The following MIA3 variants were observed in gnomAD, a reference collection of about 807,000 sequenced individuals.
The protein encoded by MIA3 is MIA SH3 domain ER export factor 3, also known as transport and Golgi organization protein 1 homolog.
A neutral mutation model predicts 192.4 loss-of-function variants in MIA3; 90 were observed. That is an observed-to-expected ratio of 0.47 (90% CI 0.39 to 0.56). The LOEUF (loss-of-function observed/expected upper bound fraction) is 0.56. MIA3 is among the 20% of genes least tolerant of loss of function. The pLI, the probability that MIA3 is intolerant of heterozygous loss-of-function variation, is 0.00. For missense variants in MIA3, 2,123 were observed against 2,269.4 expected (o/e 0.94, Z 1.31); for synonymous variants, 740 against 792.8 (o/e 0.93, Z 1.12).
chr1:222,643,230 G>T (rs1362129219), intron 6 of MIA3, among the ~76,000 whole-genome samples: 1 of 152,164 alleles, frequency 6.6e-6, no homozygotes, highest in Non-Finnish European at 1.5e-5. Flanking sequence ...ATGAGAAAAA[G>T]ATCCAGTTTT....
Position 222,665,610 on chromosome 1 carries a change from G to T in MIA3, c.5715G>T (p.Gln1905His), listed in dbSNP as rs756475614. The change falls in exon 28 of 28, where the codon CAG becomes CAT. Residue 1905 changes from glutamine (Q) to histidine (H), a missense_variant. Physicochemically the swap from Gln to His is conservative, Grantham distance 24 (BLOSUM62 0). Around this residue, in one of 3 missense-constraint regions of MIA3, gnomAD observed 762 missense variants for 856.4 expected, o/e 0.89. Coordinates refer to ENST00000344922, the MANE Select transcript of MIA3 (RefSeq NM_198551.4). The part of the protein sequence containing the change: ...TSQDCSQALK[Q>H]SP Reference sequence around the variant, plus strand: ...AGGACTGTTCACAGGCTTTAAAACAGAGCCCATAAAACTATGACCTCTGAG... The same window carrying T: ...AGGACTGTTCACAGGCTTTAAAACATAGCCCATAAAACTATGACCTCTGAG... 10 of 1,586,420 alleles carry T rather than the reference G, an allele frequency of 6.3e-6. No homozygotes were observed. The highest frequency in any genetic ancestry group is 8.6e-6 in the Non-Finnish European group (10 of 1,168,824).
chr1:222,642,355 TA>T (rs148546540), intron 6 of MIA3, among the ~76,000 whole-genome samples: 21 of 152,134 alleles, frequency 1.4e-4, no homozygotes, highest in South Asian at 6.2e-4. Context: ...CTCTACCTTT[TA>T]AAAAAAATGT....
At chr1:222,644,632 G>A (rs1553285786) in intron 6 of MIA3, 2 of 1,546,874 alleles carry the variant, frequency 1.3e-6, no homozygotes, top group South Asian at 1.2e-5. Flanking sequence ...GTCACAGGCG[G>A]GTGGATGAGT....
chr1:222,628,364 A>AC lies in MIA3; in HGVS notation c.1146dup (p.Trp383LeufsTer13). ...AAATGATGATAAAAATATACTAACAACCTGGGGGGACACTATCTTCTCTAT... is the reference window on the plus strand; with the variant it reads ...AAATGATGATAAAAATATACTAACAACCCTGGGGGGACACTATCTTCTCTAT... On this transcript the variant is annotated frameshift_variant, in exon 4 of 28. Transcript: ENST00000344922. LOFTEE classifies it high-confidence loss of function. 6.2e-7 allele frequency: 1 copy of AC among 1,613,882 alleles called. No individual in the cohort carries two copies. Among genetic ancestry groups the AC allele is most frequent in the Non-Finnish European group, 8.5e-7 (1 of 1,179,942 alleles).
At chr1:222,624,064 A>G (rs950675546) in intron 2 of MIA3, among the ~76,000 whole-genome samples, 6 of 152,234 alleles carry the variant, frequency 3.9e-5, no homozygotes, top group Admixed American at 1.3e-4. Flanking sequence ...TTCAATAAAT[A>G]TATTGTAAAA....
At chr1:222,645,042 C>T (rs1384765727) in intron 6 of MIA3, among the ~76,000 whole-genome samples, 2 of 152,046 alleles carry the variant, frequency 1.3e-5, no homozygotes, top group African/African-American at 2.4e-5. Flanking sequence ...AGGAGCTATC[C>T]GAACTTAGTC....
chr1:222,648,744 A>G, intron 7 of MIA3, 85 bp from the exon 8 acceptor site: 1 of 815,528 alleles, frequency 1.2e-6, no homozygotes, highest in Non-Finnish European at 2.0e-6. Context: ...TCATTTGGTT[A>G]CAATTCTGAC....
chr1:222,618,336 G>T, intron 1 of MIA3, 93 bp downstream of exon 1: 1 of 1,200,840 alleles, frequency 8.3e-7, no homozygotes, highest in Non-Finnish European at 1.1e-6. Flanking sequence ...CGCCTGGGCT[G>T]TGCGGGGACG....
At position 222,665,642 on chromosome 1, in the gene MIA3, T is replaced by C. The variant is rs373929967; in HGVS notation, c.*23T>C. The stretch of plus-strand genomic sequence containing the variant: ...TAAAACTATGACCTCTGAGGTTTCA[T>C]TGGAAAGAAAGTGTACTGTGCATTA... On this transcript the variant is annotated 3_prime_UTR_variant, in exon 28 of 28. Coordinates refer to ENST00000344922, the MANE Select transcript of MIA3 (RefSeq NM_198551.4). The C allele has an allele frequency of 3.6e-5, 55 of 1,537,674 alleles. No individual in the cohort carries two copies. The highest frequency in any genetic ancestry group is 1.1e-4 in the African/African-American group (8 of 71,954).
intron 26 of MIA3, among the ~76,000 whole-genome samples, chr1:222,663,559 C>T (rs902394600): frequency 6.6e-6 from 1 of 152,186 alleles, no homozygotes; most frequent in Non-Finnish European, 1.5e-5. Flanking sequence ...GTAGGGCCTA[C>T]AGAAGGTACT....
At chr1:222,634,947 G>A (rs1396744209) in intron 6 of MIA3, among the ~76,000 whole-genome samples, 1 of 152,180 alleles carries the variant, frequency 6.6e-6, no homozygotes, top group African/African-American at 2.4e-5. Flanking sequence ...TAAATGACAT[G>A]ATAATGTAAA....
At chr1:222,647,404 T>C (rs1227069382) in intron 7 of MIA3, among the ~76,000 whole-genome samples, 1 of 152,224 alleles carries the variant, frequency 6.6e-6, no homozygotes, top group African/African-American at 2.4e-5. Context: ...AATTATTGGA[T>C]GCAAATCTTT....
intron 6 of MIA3, among the ~76,000 whole-genome samples, chr1:222,640,760 AT>A (rs1238158697): frequency 4.6e-5 from 7 of 152,206 alleles, no homozygotes; most frequent in Non-Finnish European, 1.0e-4. Flanking sequence ...GATTATTTGG[AT>A]TTAATCAAAA....
intron 6 of MIA3, chr1:222,644,652 A>G (rs1444104882): frequency 1.3e-6 from 2 of 1,500,396 alleles, no homozygotes; most frequent in African/African-American, 2.8e-5. Context: ...TTCTAAGCAG[A>G]GTGGGTGCAC....
intron 7 of MIA3, chr1:222,646,008 T>C (rs1663123501): frequency 5.1e-6 from 1 of 197,778 alleles, no homozygotes. Context: ...TTAGTAGAAC[T>C]AGGAATTCTT....
chr1:222,659,799 C>T lies in MIA3; in HGVS notation c.4872C>T (p.His1624=). 6.2e-7 allele frequency: 1 copy of T among 1,613,956 alleles called. No individual in the cohort carries two copies. The highest frequency in any genetic ancestry group is 8.5e-7 in the Non-Finnish European group (1 of 1,179,890). Residue 1624 remains histidine (H), a splice_region_variant and synonymous_variant, in exon 22 of 28, where the codon CAC becomes CAT. Transcript: ENST00000344922. ...AAAGGGAAGCTGCCAATTTGAGACA[C>T]AAGTATGTGGATTTTGATGGCTATA... ...EEKREAANLR[H]KLLELTQKMA...
At position 222,654,227 on chromosome 1, in the gene MIA3, G is replaced by T; in HGVS notation, c.4322-16G>T. On this transcript the variant is annotated splice_polypyrimidine_tract_variant and intron_variant, in intron 15 of 27. Transcript: ENST00000344922. The stretch of plus-strand genomic sequence containing the variant: ...AGGGAAGAAAAAGCAATGAAAGAAA[G>T]CCTTTTGTTTTTTAGGTGACCGGAA... The T allele has an allele frequency of 6.2e-7, 1 of 1,611,154 alleles. No individual in the cohort carries two copies. The highest frequency in any genetic ancestry group is 8.5e-7 in the Non-Finnish European group (1 of 1,178,626).
chr1:222,631,707 G>A (rs1025372362), intron 4 of MIA3, among the ~76,000 whole-genome samples: 1 of 152,140 alleles, frequency 6.6e-6, no homozygotes. Context: ...ACTCTTAGAG[G>A]TACTTTGAAA....
intron 18 of MIA3, among the ~76,000 whole-genome samples, chr1:222,656,338 C>T (rs2124918874): frequency 6.6e-6 from 1 of 152,240 alleles, no homozygotes; most frequent in East Asian, 1.9e-4. Context: ...AGTTTGACTC[C>T]ATTTTAAAAG....
Sources: allele counts gnomAD v4.1 joint callset (sites outside exome capture counted in the v4.1 genomes callset), GRCh38; gene constraint gnomAD v4.1.1; regional missense constraint gnomAD v4.1.1; transcripts MANE v1.5; gene names NCBI Gene and HGNC (gene_info 2026-07-23, HGNC 2026-07-21).